Variants in STK3 observed in about 807,000 individuals in gnomAD.
STK3 encodes serine/threonine-protein kinase 3.
Under a neutral mutation model 58.0 loss-of-function variants are expected in STK3, and 41 were observed. That is an observed-to-expected ratio of 0.71 (90% CI 0.55 to 0.92). The LOEUF is 0.92. STK3 is among the 40% of genes least tolerant of loss of function. The probability of loss-of-function intolerance (pLI) is 0.00; values close to 1 mark genes in which losing one functional copy is unlikely to be tolerated. For missense variants in STK3, 479 were observed against 602.7 expected (o/e 0.79, Z 2.15); for synonymous variants, 170 against 191.0 (o/e 0.89, Z 0.91).
At chr8:98,823,531 G>C (rs914585016) in intron 1 of STK3, among the ~76,000 whole-genome samples, 2 of 152,204 alleles carry the variant, frequency 1.3e-5, no homozygotes, top group African/African-American at 4.8e-5. Context: ...ACTTGACCAA[G>C]TTATTTAACG....
chr8:98,866,003 C>G (rs768025174), intron 3 of STK3, among the ~76,000 whole-genome samples: 1 of 152,240 alleles, frequency 6.6e-6, no homozygotes, highest in African/African-American at 2.4e-5. Context: ...GATGCAGGAC[C>G]ATGTGCCCCG....
intron 1 of STK3, among the ~76,000 whole-genome samples, chr8:98,799,037 A>G (rs1298622661): frequency 1.3e-5 from 2 of 152,224 alleles, no homozygotes; most frequent in Non-Finnish European, 2.9e-5. Context: ...CCCAGTCTTT[A>G]GAACCATGAG....
chr8:98,825,178 A>G (rs761256809), intron 1 of STK3, among the ~76,000 whole-genome samples: 1 of 152,234 alleles, frequency 6.6e-6, no homozygotes, highest in Non-Finnish European at 1.5e-5. Flanking sequence ...CACCTGTCAG[A>G]GCAGCACATC....
intron 7 of STK3, among the ~76,000 whole-genome samples, chr8:98,581,695 T>A (rs1813897807): frequency 6.6e-6 from 1 of 151,706 alleles, no homozygotes. Context: ...GTGTCCAATG[T>A]TGTTTCTGGG....
At chr8:98,905,428 C>T in intron 1 of STK3, 2 of 1,298,070 alleles carry the variant, frequency 1.5e-6, no homozygotes, top group Non-Finnish European at 2.2e-6. Flanking sequence ...ATGTTACCCA[C>T]GTGTAACTTG....
intron 1 of STK3, among the ~76,000 whole-genome samples, chr8:98,916,883 G>A (rs1254838958): frequency 6.6e-6 from 1 of 152,210 alleles, no homozygotes; most frequent in East Asian, 1.9e-4. Context: ...GGAGATGGGA[G>A]TGGTTCTAGG....
intron 3 of STK3, among the ~76,000 whole-genome samples, chr8:98,873,356 C>T (rs140865677): frequency 0.038 from 5,815 of 152,196 alleles, 140 homozygotes; most frequent in South Asian, 0.067. Context: ...CTATTAGGTC[C>T]GCTTGGTTCA....
intron 3 of STK3, among the ~76,000 whole-genome samples, chr8:98,752,801 A>G (rs1361999011): frequency 6.6e-6 from 1 of 152,130 alleles, no homozygotes; most frequent in Non-Finnish European, 1.5e-5. Context: ...AAAGGACATG[A>G]ACAGATACTT....
chr8:98,471,362 T>G (rs569156603), intron 10 of STK3, among the ~76,000 whole-genome samples: 1 of 150,936 alleles, frequency 6.6e-6, no homozygotes, highest in Non-Finnish European at 1.5e-5. Flanking sequence ...CTTTTCTTTT[T>G]TTTTTTTTTT....
Position 98,630,183 on chromosome 8 carries a change from C to T in STK3, c.685-34014G>A, listed in dbSNP as rs142519501. On this transcript the variant is annotated intron_variant, in intron 6 of 10. Coordinates refer to ENST00000419617, the MANE Select transcript of STK3 (RefSeq NM_006281.4). ...ATGCCACCCTGTCTGATGTGCCATG[C>T]CCTCTCCACTTAGAAACTGTATCAA... Among the ~76,000 whole-genome samples, 13 of 152,288 alleles carry T rather than the reference C, an allele frequency of 8.5e-5. No homozygotes were observed. In the East Asian group the frequency reaches 2.3e-3, roughly 27 times the overall value.
chr8:98,679,760 G>C lies in STK3; in HGVS notation c.684+26707C>G, dbSNP rs557585222. On this transcript the variant is annotated intron_variant, in intron 6 of 10. Coordinates refer to ENST00000419617, the MANE Select transcript of STK3 (RefSeq NM_006281.4). ...TACAGTAATAGTTGGCTCAATGAAT[G>C]TCATGAAATGATAGCAACACATTTA... 1.7e-4 allele frequency among the ~76,000 whole-genome samples: 26 copies of C among 152,312 alleles called. 1 individual carries two copies. In the South Asian group the frequency reaches 3.9e-3, roughly 23 times the overall value.
intron 3 of STK3, among the ~76,000 whole-genome samples, chr8:98,765,767 T>C (rs1039498207): frequency 2.0e-5 from 3 of 152,254 alleles, no homozygotes. Flanking sequence ...CCTTTGTTGC[T>C]GCTGTACTAG....
chr8:98,887,621 A>G (rs1463286990), intron 1 of STK3, among the ~76,000 whole-genome samples: 2 of 152,240 alleles, frequency 1.3e-5, no homozygotes, highest in Non-Finnish European at 2.9e-5. Context: ...ACATAAAAGT[A>G]TACAACCACA....
At chr8:98,528,801 T>C (rs1016437943) in intron 9 of STK3, among the ~76,000 whole-genome samples, 3 of 152,206 alleles carry the variant, frequency 2.0e-5, no homozygotes, top group African/African-American at 7.2e-5. Context: ...AAACGTAAAA[T>C]TGAAATCTTT....
chr8:98,523,790 G>A (rs865866546), intron 10 of STK3, among the ~76,000 whole-genome samples: 1 of 152,026 alleles, frequency 6.6e-6, no homozygotes, highest in Middle Eastern at 3.4e-3. Flanking sequence ...ATTTACAAAT[G>A]TTTTCTCTCA....
At chr8:98,828,320 G>T (rs1835390553), upstream of STK3, among the ~76,000 whole-genome samples, 2 of 151,542 alleles carry the variant, frequency 1.3e-5, no homozygotes, top group Non-Finnish European at 2.9e-5. Context: ...TCTTGAGGAA[G>T]GCTGGGCGAG....
At chr8:98,653,353 A>G (rs1392071545) in intron 6 of STK3, among the ~76,000 whole-genome samples, 2 of 152,236 alleles carry the variant, frequency 1.3e-5, no homozygotes, top group African/African-American at 4.8e-5. Flanking sequence ...GGAAATTTAT[A>G]GCACTAAATA....
chr8:98,637,501 G>A (rs778860045), intron 6 of STK3, among the ~76,000 whole-genome samples: 1 of 152,096 alleles, frequency 6.6e-6, no homozygotes, highest in African/African-American at 2.4e-5. Context: ...CTTCATTTTG[G>A]CTAACACCAA....
intron 3 of STK3, among the ~76,000 whole-genome samples, chr8:98,859,245 GC>G (rs377022183): frequency 1.3e-3 from 191 of 152,308 alleles, no homozygotes; most frequent in African/African-American, 4.3e-3. Flanking sequence ...TCCTGAGGAA[GC>G]AATTCTGGGT....
Sources: allele counts gnomAD v4.1 joint callset (sites outside exome capture counted in the v4.1 genomes callset), GRCh38; gene constraint gnomAD v4.1.1; transcripts MANE v1.5; gene names NCBI Gene and HGNC (gene_info 2026-07-23, HGNC 2026-07-21).